Variants in HOOK1 observed in about 807,000 individuals in gnomAD.
HOOK1 encodes the protein hook microtubule tethering protein 1.
HOOK1 carries 60 observed loss-of-function variants against 112.8 expected under a neutral mutation model. The observed-to-expected ratio is 0.53, with a 90% confidence interval of 0.43 to 0.66. The LOEUF (loss-of-function observed/expected upper bound fraction) is 0.66. HOOK1 is among the 30% of genes least tolerant of loss of function. The pLI is 0.00. For synonymous variants in HOOK1, 294 were observed against 283.8 expected, an observed-to-expected ratio of 1.04 and a Z score of -0.36; for missense variants, 770 against 856.0, an observed-to-expected ratio of 0.90 and a Z score of 1.25.
At position 59,840,362 on chromosome 1, in the gene HOOK1, A is replaced by T. The variant is rs745802835; in HGVS notation, c.592A>T (p.Arg198Trp). 4 of 1,591,352 alleles carry T rather than the reference A, an allele frequency of 2.5e-6. No homozygotes were observed. In the Admixed American group the frequency reaches 7.1e-5, roughly 28 times the overall value. ...QEALAEKEEL[R>W]QRCEELDMQV... ...AGCACTAGCAGAAAAAGAAGAGCTG[A>T]GGCAAAGATGTGAAGAATTGGATAT... Residue 198 changes from arginine (R) to tryptophan (W), a missense_variant, in exon 8 of 22, where the codon AGG becomes TGG. By Grantham distance (101) the Arg-to-Trp change is moderately radical (BLOSUM62 -3). Around this residue, in one of 3 missense-constraint regions of HOOK1, gnomAD observed 655 missense variants for 725.9 expected, o/e 0.90. Transcript: ENST00000371208.
Position 59,868,292 on chromosome 1 carries a change from G to A in HOOK1, c.1888G>A (p.Glu630Lys). ...LDPKLNPASAEIMLLRKQLAE... is the reference protein window; with the variant it reads ...LDPKLNPASAKIMLLRKQLAE... ...TCCCAAGTTAAATCCAGCATCAGCTGAAATAATGCTACTAAGAAAGCAGTT... is the reference window on the plus strand; with the variant it reads ...TCCCAAGTTAAATCCAGCATCAGCTAAAATAATGCTACTAAGAAAGCAGTT... Residue 630 changes from glutamate (E) to lysine (K), a missense_variant, in exon 20 of 22, where the codon GAA becomes AAA. By Grantham distance (56) the Glu-to-Lys change is moderately conservative. Coordinates refer to ENST00000371208, the MANE Select transcript of HOOK1 (RefSeq NM_015888.6). 1 of 1,611,542 alleles carries A rather than the reference G, an allele frequency of 6.2e-7. No homozygotes were observed. Among genetic ancestry groups the A allele is most frequent in the Non-Finnish European group, 8.5e-7 (1 of 1,178,330 alleles).
chr1:59,865,841 T>C, intron 18 of HOOK1, 31 bp from the exon 19 acceptor site: 6 of 1,076,106 alleles, frequency 5.6e-6, no homozygotes, highest in Non-Finnish European at 8.2e-6. Flanking sequence ...TATTAATAAC[T>C]GATTATGCTT....
At chr1:59,867,974 A>G (rs1297518661) in intron 19 of HOOK1, among the ~76,000 whole-genome samples, 1 of 152,162 alleles carries the variant, frequency 6.6e-6, no homozygotes, top group African/African-American at 2.4e-5. Context: ...TGAAAAGGCT[A>G]AATAACTATT....
chr1:59,833,624 A>C, intron 5 of HOOK1, 87 bp downstream of exon 5: 1 of 1,151,780 alleles, frequency 8.7e-7, no homozygotes, highest in African/African-American at 1.6e-5. Flanking sequence ...CATACTATTA[A>C]AGCTTGGCAG....
chr1:59,824,496 G>A (rs533208914), intron 2 of HOOK1, among the ~76,000 whole-genome samples: 9 of 152,220 alleles, frequency 5.9e-5, no homozygotes, highest in Non-Finnish European at 1.0e-4. Context: ...GTGAGCCACC[G>A]CGCCCAGCTC....
intron 21 of HOOK1, 51 bp from the exon 22 acceptor site, chr1:59,872,744 C>T: frequency 2.4e-6 from 3 of 1,259,804 alleles, no homozygotes; most frequent in Non-Finnish European, 3.1e-6. Flanking sequence ...AAGCACTCGG[C>T]AAACTCTGTT....
chr1:59,873,725 CTA>C lies in HOOK1; in HGVS notation c.*799_*800del, dbSNP rs58867974. 13,446 of 55,820 alleles carry C rather than the reference CTA, an allele frequency of 0.24. 660 individuals carry two copies. Among genetic ancestry groups the C allele is most frequent in the South Asian group, 0.32 (353 of 1,096 alleles). 3.5% of individuals were successfully genotyped at this position (55,820 alleles called of 1,614,324 possible). On this transcript the variant is annotated 3_prime_UTR_variant, in exon 22 of 22. Transcript: ENST00000371208. ...AGGTGACTTTCTGATGGAAAGCAAG[CTA>C]TATATATATATATATATATATATAT...
chr1:59,865,907 A>C lies in HOOK1; in HGVS notation c.1780A>C (p.Lys594Gln), dbSNP rs371036126. 1 of 1,594,388 alleles carries C rather than the reference A, an allele frequency of 6.3e-7. No homozygotes were observed. Among genetic ancestry groups the C allele is most frequent in the African/African-American group, 1.4e-5 (1 of 73,828 alleles). Residue 594 changes from lysine (K) to glutamine (Q), a missense_variant, in exon 19 of 22, where the codon AAG becomes CAG. Transcript: ENST00000371208. ...CAATGAACTTGAAGCTGCTCTTCAG[A>C]AGAAAGATGAAGATATGAAAGCAAT... is the stretch of plus-strand genomic sequence containing the variant. ...KINELEAALQ[K>Q]KDEDMKAMEE... is the part of the protein sequence containing the mutation.
chr1:59,829,337 G>T (rs942259002), intron 3 of HOOK1, among the ~76,000 whole-genome samples: 1 of 151,920 alleles, frequency 6.6e-6, no homozygotes, highest in Non-Finnish European at 1.5e-5. Flanking sequence ...TAACATTTTT[G>T]ACTATTGTGA....
At chr1:59,828,944 T>A (rs747035346) in intron 3 of HOOK1, 92 bp downstream of exon 3, 8 of 966,742 alleles carry the variant, frequency 8.3e-6, no homozygotes, top group Non-Finnish European at 1.3e-5. Context: ...AATTAACTTA[T>A]AGTACTTTTT....
chr1:59,834,103 ATGAAC>A (rs765288152), intron 5 of HOOK1, among the ~76,000 whole-genome samples: 4 of 152,158 alleles, frequency 2.6e-5, no homozygotes, highest in Non-Finnish European at 5.9e-5. Flanking sequence ...ATGATGAATG[ATGAAC>A]TGAACAGGCC....
intron 5 of HOOK1, 31 bp downstream of exon 5, chr1:59,833,568 TACTTTCTAGAA>T: frequency 6.7e-7 from 1 of 1,499,226 alleles, no homozygotes; most frequent in South Asian, 1.4e-5. Context: ...TGAGGATTTC[TACTTTCTAGAA>T]ACTTTCTACA....
intron 4 of HOOK1, among the ~76,000 whole-genome samples, 156 bp downstream of exon 4, chr1:59,832,369 G>T (rs1425905166): frequency 6.6e-6 from 1 of 152,026 alleles, no homozygotes; most frequent in Non-Finnish European, 1.5e-5. Context: ...ATGCTCATTT[G>T]TGAAAATAAG....
chr1:59,821,835 T>C, intron 1 of HOOK1, 23 bp from the exon 2 acceptor site: 2 of 1,528,394 alleles, frequency 1.3e-6, no homozygotes, highest in Non-Finnish European at 1.8e-6. Flanking sequence ...AGCAGTAAGA[T>C]CATTTGATTT....
At position 59,833,462 on chromosome 1, in the gene HOOK1, T is replaced by C; in HGVS notation, c.331T>C (p.Cys111Arg). The change falls in exon 5 of 22, where the codon TGT becomes CGT. Residue 111 changes from cysteine to arginine, a missense_variant. By Grantham distance (180) the Cys-to-Arg change is radical. Transcript: ENST00000371208. ...CCCTGATTTAAACCAAATAACCGAA[T>C]GTTCAGATCCAGTGGAGCTTGGGAG... ...LIPDLNQITE[C>R]SDPVELGRLL... 6.3e-7 allele frequency: 1 copy of C among 1,587,486 alleles called. No individual in the cohort carries two copies. Among genetic ancestry groups the C allele is most frequent in the Non-Finnish European group, 8.6e-7 (1 of 1,162,452 alleles).
chr1:59,855,187 G>A (rs1240679769), intron 12 of HOOK1, among the ~76,000 whole-genome samples: 1 of 152,166 alleles, frequency 6.6e-6, no homozygotes, highest in Non-Finnish European at 1.5e-5. Flanking sequence ...TTGTTATATA[G>A]GTCAACTCAT....
chr1:59,857,047 G>A (rs370935152), intron 12 of HOOK1, among the ~76,000 whole-genome samples: 14 of 152,104 alleles, frequency 9.2e-5, no homozygotes, highest in African/African-American at 2.9e-4. Flanking sequence ...CATTATCACA[G>A]CCTTCAGTAC....
chr1:59,850,116 A>G lies in HOOK1; in HGVS notation c.1242+933A>G, dbSNP rs559955431. 5.9e-5 allele frequency among the ~76,000 whole-genome samples: 9 copies of G among 151,476 alleles called. No individual in the cohort carries two copies. The South Asian group carries it at 1.9e-3, about 31-fold the overall frequency. ...GTTTTTGATTAGCATTTCTCTACTG[A>G]CTAATGTTGTTGAGCATCTTTTATG... On this transcript the variant is annotated intron_variant, in intron 12 of 21. Coordinates refer to ENST00000371208, the MANE Select transcript of HOOK1 (RefSeq NM_015888.6).
Position 59,860,337 on chromosome 1 carries a change from C to A in HOOK1, c.1532+9C>A. On this transcript the variant is annotated intron_variant, in intron 15 of 21. Coordinates refer to ENST00000371208, the MANE Select transcript of HOOK1 (RefSeq NM_015888.6). ...CTGGAAACTGAGCAGAGGTGATATG[C>A]TCCTTAGTAACTGAAAATCTTGGTG... 6.5e-7 allele frequency: 1 copy of A among 1,549,608 alleles called. No individual in the cohort carries two copies. Among genetic ancestry groups the A allele is most frequent in the African/African-American group, 1.4e-5 (1 of 71,854 alleles).
Sources: gnomAD v4.1 joint callset for allele counts (sites outside exome capture counted in the v4.1 genomes callset) on GRCh38, gnomAD v4.1.1 for gene constraint, gnomAD v4.1.1 regional missense constraint, MANE v1.5 for transcripts, NCBI Gene and HGNC (gene_info 2026-07-23, HGNC 2026-07-21) for gene names.